MTX3: variants seen among roughly 807,000 people sequenced by gnomAD.
The protein encoded by MTX3 is metaxin 3, also known as metaxin-3.
In MTX3, 27 loss-of-function variants were observed where a neutral mutation model predicts 42.5. That is an observed-to-expected ratio of 0.64 (90% CI 0.47 to 0.88). The LOEUF is 0.88. Ranked by LOEUF, MTX3 falls within the 40% of genes least tolerant of loss-of-function variation. The pLI is 0.00. For synonymous variants in MTX3, 144 were observed against 132.9 expected (o/e 1.08, Z -0.57); for missense variants, 378 against 367.0 (o/e 1.03, Z -0.25).
intron 7 of MTX3, chr5:79,986,693 G>C (rs982530757): frequency 5.5e-6 from 3 of 543,308 alleles, no homozygotes; most frequent in Non-Finnish European, 1.0e-5. Context: ...CTTCAAAGGG[G>C]TAATATTTAA....
chr5:79,986,015 T>C lies in MTX3; in HGVS notation c.740-356A>G, dbSNP rs146364576. On this transcript the variant is annotated intron_variant, in intron 7 of 8. Transcript: ENST00000512528. ...CTTTCTCACACCCATTTCAAATAGG[T>C]CTTTGGTCACAACTATCTGGATAGT... Among the ~76,000 whole-genome samples the C allele has an allele frequency of 4.2e-4, 64 of 151,424 alleles. No individual in the cohort carries two copies. In the East Asian group the frequency reaches 0.01, roughly 24 times the overall value.
intron 8 of MTX3, among the ~76,000 whole-genome samples, chr5:79,984,218 T>C (rs1377153182): frequency 6.6e-6 from 1 of 152,174 alleles, no homozygotes; most frequent in Non-Finnish European, 1.5e-5. Context: ...TTCTCTGTTG[T>C]ACAGATGAGC....
At chr5:79,984,131 A>G (rs1831435958) in intron 8 of MTX3, among the ~76,000 whole-genome samples, 1 of 152,204 alleles carries the variant, frequency 6.6e-6, no homozygotes, top group African/African-American at 2.4e-5. Context: ...ACTAAGCTCC[A>G]GTTTGCAAAC....
chr5:79,990,840 T>C (rs1234522445), intron 1 of MTX3, 177 bp from the exon 2 acceptor site: 1 of 720,716 alleles, frequency 1.4e-6, no homozygotes, highest in Admixed American at 2.0e-5. Flanking sequence ...TTCGAGGACT[T>C]TGCTCCCCAA....
chr5:79,990,192 G>A lies in MTX3; in HGVS notation c.196C>T (p.Pro66Ser), dbSNP rs763397597. ...LTTEDDMVSQPAKILNFLRKQ... is the reference protein window; with the variant it reads ...LTTEDDMVSQSAKILNFLRKQ... ...CTTAAAAAGTTTAGTATTTTTGCTGGCTGAGAAACCATGTCGTCTTCAGTT... is the reference window on the plus strand; with the variant it reads ...CTTAAAAAGTTTAGTATTTTTGCTGACTGAGAAACCATGTCGTCTTCAGTT... Residue 66 changes from proline (P) to serine (S), a missense_variant, in exon 3 of 9, where the codon CCA (proline) becomes TCA (serine). Coordinates refer to ENST00000512528, the MANE Select transcript of MTX3 (RefSeq NM_001363818.2). 1 of 1,609,684 alleles carries A rather than the reference G, an allele frequency of 6.2e-7. No homozygotes were observed. Among genetic ancestry groups the A allele is most frequent in the South Asian group, 1.1e-5 (1 of 89,968 alleles).
Position 79,981,784 on chromosome 5 carries a change from C to T in MTX3, c.*1900G>A, listed in dbSNP as rs1330438208. On this transcript the variant is annotated 3_prime_UTR_variant, in exon 9 of 9. Coordinates refer to ENST00000512528, the MANE Select transcript of MTX3 (RefSeq NM_001363818.2). ...ATTTAAATTTTTAAAATTTTTAATT[C>T]TTTAAAATTTAAAATTTTTAAATTG... The T allele has an allele frequency of 6.6e-6, 1 of 151,576 alleles. No individual in the cohort carries two copies. The highest frequency in any genetic ancestry group is 1.5e-5 in the Non-Finnish European group (1 of 67,866). 9.4% of individuals were successfully genotyped at this position (151,576 alleles called of 1,614,324 possible).
rs1831331942 is a variant in MTX3 at position 79,979,785 on chromosome 5, C to A, written c.*3899G>T. 6.6e-6 allele frequency: 1 copy of A among 151,122 alleles called. No homozygotes were observed. Among genetic ancestry groups the A allele is most frequent in the Non-Finnish European group, 1.5e-5 (1 of 67,832 alleles). 9.4% of individuals were successfully genotyped at this position (151,122 alleles called of 1,614,324 possible). ...GTTTTTTTTTTCTTTTCTGGTAAGGCAAAATAGATCTTTAGATATCATTTG... is the reference window on the plus strand; with the variant it reads ...GTTTTTTTTTTCTTTTCTGGTAAGGAAAAATAGATCTTTAGATATCATTTG... On this transcript the variant is annotated 3_prime_UTR_variant, in exon 9 of 9. Transcript: ENST00000512528.
At chr5:79,988,151 T>C (rs1053398352) in intron 6 of MTX3, 88 bp downstream of exon 6, 6 of 768,062 alleles carry the variant, frequency 7.8e-6, no homozygotes, top group Non-Finnish European at 1.3e-5. Flanking sequence ...AACTCATCTT[T>C]TGGGGAGATA....
chr5:79,989,960 AACTG>A (rs1453697384), intron 3 of MTX3, among the ~76,000 whole-genome samples, 196 bp downstream of exon 3: 4 of 152,350 alleles, frequency 2.6e-5, no homozygotes, highest in African/African-American at 4.8e-5. Flanking sequence ...TTAAAATATA[AACTG>A]ACTACCTCTT....
In MTX3 at chr5:79,983,938, A is replaced by T. The variant is rs1580883888; in HGVS notation, c.829-144T>A. 7 of 560,162 alleles carry T rather than the reference A, an allele frequency of 1.2e-5. No homozygotes were observed. The East Asian group carries it at 2.1e-4, about 17-fold the overall frequency. 34.7% of individuals were successfully genotyped at this position (560,162 alleles called of 1,614,324 possible). On this transcript the variant is annotated intron_variant, in intron 8 of 8. Coordinates refer to ENST00000512528, the MANE Select transcript of MTX3 (RefSeq NM_001363818.2). ...TAGAGAAACCTTTTTCTTACAAATA[A>T]TCTCAAGAATTCTAAATGTCATACC...
rs1296762325 is a variant in MTX3 at position 79,990,601 on chromosome 5, ACCTCTC to A, written c.138_143del (p.Trp46_Gly48delinsCys). 15 of 1,606,536 alleles carry A rather than the reference ACCTCTC, an allele frequency of 9.3e-6. No individual in the cohort carries two copies. In the South Asian group the frequency reaches 1.7e-4, roughly 18 times the overall value. Reference sequence around the variant, plus strand: ...TAAAGGTTTACACTATACCTCTTGAACCTCTCCAGGTGTTATCTATCACATTGACTT... The same window carrying A: ...TAAAGGTTTACACTATACCTCTTGAACAGGTGTTATCTATCACATTGACTT... On this transcript the variant is annotated inframe_deletion, in exon 2 of 9. Coordinates refer to ENST00000512528, the MANE Select transcript of MTX3 (RefSeq NM_001363818.2).
intron 8 of MTX3, among the ~76,000 whole-genome samples, chr5:79,984,981 G>GT (rs964452586): frequency 3.1e-4 from 46 of 150,686 alleles, no homozygotes; most frequent in South Asian, 1.5e-3. Flanking sequence ...TTTTTGCTTT[G>GT]TTTTTTTTTG....
intron 1 of MTX3, 82 bp from the exon 2 acceptor site, chr5:79,990,745 C>A (rs76766140): frequency 1.0e-6 from 1 of 1,002,240 alleles, no homozygotes; most frequent in Non-Finnish European, 1.6e-6. Flanking sequence ...ACAGCCCCAT[C>A]CCCCAAAGGC....
rs1831269186 is a variant in MTX3 at position 79,977,148 on chromosome 5, C to G, written c.*6536G>C. 1 of 152,182 alleles carries G rather than the reference C, an allele frequency of 6.6e-6. No homozygotes were observed. Among genetic ancestry groups the G allele is most frequent in the Non-Finnish European group, 1.5e-5 (1 of 68,042 alleles). 9.4% of individuals were successfully genotyped at this position (152,182 alleles called of 1,614,324 possible). ...ACAGAAAAATGGAAAAACATTATTT[C>G]CCATTTCATAAAATTAAAAATCAAG... is the stretch of plus-strand genomic sequence containing the variant. On this transcript the variant is annotated 3_prime_UTR_variant, in exon 9 of 9. Coordinates refer to ENST00000512528, the MANE Select transcript of MTX3 (RefSeq NM_001363818.2).
chr5:79,990,802 T>C (rs759009895), intron 1 of MTX3, 139 bp from the exon 2 acceptor site: 11 of 765,686 alleles, frequency 1.4e-5, no homozygotes, highest in Admixed American at 6.0e-5. Context: ...TGATCTCAAG[T>C]AGGGACGCGG....
intron 7 of MTX3, among the ~76,000 whole-genome samples, chr5:79,986,268 C>T (rs186846428): frequency 6.6e-6 from 1 of 152,308 alleles, no homozygotes; most frequent in East Asian, 1.9e-4. Flanking sequence ...CTACTAACCC[C>T]TTCCTGTATA....
intron 3 of MTX3, 45 bp downstream of exon 3, chr5:79,990,115 G>A (rs1379900396): frequency 2.9e-5 from 36 of 1,224,192 alleles, no homozygotes; most frequent in Non-Finnish European, 4.1e-5. Context: ...CAACATGCAG[G>A]GATCAACAAT....
intron 6 of MTX3, among the ~76,000 whole-genome samples, chr5:79,987,688 T>C (rs529146186): frequency 2.0e-5 from 3 of 152,322 alleles, no homozygotes; most frequent in African/African-American, 7.2e-5. Context: ...TCACAAATGT[T>C]AGACTGGAGG....
rs1441071385 is a variant in MTX3, at chr5:79,977,778, A to G, written c.*5906T>C. 6.6e-6 allele frequency: 1 copy of G among 152,162 alleles called. No homozygotes were observed. The highest frequency in any genetic ancestry group is 2.4e-5 in the African/African-American group (1 of 41,426). The allele number at this position is 152,162 out of a possible 1,614,324, so 9.4% of individuals were successfully genotyped here. A position where few individuals can be genotyped will look rare whatever the true frequency, so the allele number is the denominator to read the frequency against. Reference sequence around the variant, plus strand: ...AATGAACAAAACTGGAAAATATTAAACTTCCTTTGCTTTGTCACTGAGCAA... The same window carrying G: ...AATGAACAAAACTGGAAAATATTAAGCTTCCTTTGCTTTGTCACTGAGCAA... On this transcript the variant is annotated 3_prime_UTR_variant, in exon 9 of 9. Coordinates refer to ENST00000512528, the MANE Select transcript of MTX3 (RefSeq NM_001363818.2).
Sources: gnomAD v4.1 joint callset for allele counts (sites outside exome capture counted in the v4.1 genomes callset) on GRCh38, gnomAD v4.1.1 for gene constraint, MANE v1.5 for transcripts, NCBI Gene and HGNC (gene_info 2026-07-23, HGNC 2026-07-21) for gene names.